Variants in FAAH2 observed in about 807,000 individuals in gnomAD.
FAAH2 encodes the protein fatty acid amide hydrolase 2.
In FAAH2, 60 loss-of-function variants were observed where a neutral mutation model predicts 36.9. The observed-to-expected ratio is 1.63, with a 90% CI of 1.32 to 2.02. The LOEUF (loss-of-function observed/expected upper bound fraction) is 2.02. FAAH2 is among the 30% of genes most tolerant of loss of function. FAAH2 has a pLI of 0.00. For missense variants in FAAH2, 689 were observed against 397.5 expected (o/e 1.73, Z -6.23); for synonymous variants, 214 against 143.8 (o/e 1.49, Z -3.49).
intron 7 of FAAH2, chrX:57,392,714 G>T: frequency 1.6e-6 from 1 of 614,805 alleles, no homozygotes; most frequent in Non-Finnish European, 2.8e-6. Context: ...TGGGTGGGGA[G>T]TCCATTGTGC....
chrX:57,477,888 T>C (rs1239581025), intron 10 of FAAH2, among the ~76,000 whole-genome samples: 1 of 112,036 alleles, frequency 8.9e-6, no homozygotes, highest in African/African-American at 3.2e-5. Context: ...CAGTCTATCA[T>C]TGTTGGACAT....
intron 8 of FAAH2, among the ~76,000 whole-genome samples, chrX:57,432,574 C>T (rs999461851): frequency 2.7e-5 from 3 of 111,491 alleles, no homozygotes; most frequent in Non-Finnish European, 5.7e-5. Flanking sequence ...TTCATATCTG[C>T]TATGATTAGA....
chrX:57,234,637 C>A, the FAAH2 span, among the ~76,000 whole-genome samples: 1 of 111,592 alleles, frequency 9.0e-6, no homozygotes, highest in Non-Finnish European at 1.9e-5. Flanking sequence ...CAGCATGAAA[C>A]CTTGCATACA....
the FAAH2 span, among the ~76,000 whole-genome samples, chrX:57,261,208 G>A: frequency 9.0e-6 from 1 of 111,230 alleles, no homozygotes; most frequent in Non-Finnish European, 1.9e-5. Flanking sequence ...AGCAATTAAA[G>A]GGCACATATT....
the FAAH2 span, among the ~76,000 whole-genome samples, chrX:57,227,594 G>T: frequency 9.0e-6 from 1 of 111,412 alleles, no homozygotes; most frequent in Non-Finnish European, 1.9e-5. Context: ...CAGTTTTGGT[G>T]GTATAATGGC....
chrX:57,429,710 A>T (rs1356016926), intron 7 of FAAH2, among the ~76,000 whole-genome samples: 1 of 110,687 alleles, frequency 9.0e-6, no homozygotes, highest in East Asian at 2.9e-4. Context: ...AATTTTATAC[A>T]AAAGGATATC....
intron 3 of FAAH2, among the ~76,000 whole-genome samples, chrX:57,314,400 T>C (rs769525551): frequency 9.0e-6 from 1 of 111,124 alleles, no homozygotes; most frequent in African/African-American, 3.3e-5. Context: ...TTAATAGACA[T>C]CTACAAAATA....
At chrX:57,407,167 T>A (rs1250152677) in intron 7 of FAAH2, among the ~76,000 whole-genome samples, 3 of 112,209 alleles carry the variant, frequency 2.7e-5, no homozygotes, top group Admixed American at 1.9e-4. Context: ...GTGATCCTCT[T>A]ATTTGTCGAA....
intron 10 of FAAH2, among the ~76,000 whole-genome samples, chrX:57,460,707 A>G (rs1359316354): frequency 8.9e-6 from 1 of 111,932 alleles, no homozygotes; most frequent in African/African-American, 3.3e-5. Context: ...ACACCAAAAT[A>G]TAAAGACCAA....
chrX:57,152,538 C>T, the FAAH2 span, among the ~76,000 whole-genome samples: 609 of 112,247 alleles, frequency 5.4e-3, 2 homozygotes, highest in Middle Eastern at 9.2e-3. Context: ...TAGCAATCAG[C>T]GAGACTCCGT....
chrX:57,222,073 A>T, the FAAH2 span, among the ~76,000 whole-genome samples: 4 of 111,273 alleles, frequency 3.6e-5, no homozygotes, highest in East Asian at 1.1e-3. Flanking sequence ...TCAGTCACCT[A>T]TCTATGCCTA....
chrX:57,370,176 CA>C (rs1477902163), intron 5 of FAAH2, among the ~76,000 whole-genome samples: 2 of 111,446 alleles, frequency 1.8e-5, no homozygotes, highest in Non-Finnish European at 3.8e-5. Flanking sequence ...AAATATTTAA[CA>C]AAATGGCCGA....
chrX:57,432,910 A>T (rs1051843533), intron 8 of FAAH2, among the ~76,000 whole-genome samples: 10 of 110,230 alleles, frequency 9.1e-5, no homozygotes, highest in African/African-American at 3.3e-4. Flanking sequence ...ATTTTTTATA[A>T]GATATCTCAC....
chrX:57,306,776 T>G (rs2052539826), intron 2 of FAAH2, among the ~76,000 whole-genome samples: 1 of 95,877 alleles, frequency 1.0e-5, no homozygotes, highest in Non-Finnish European at 2.1e-5. Context: ...ATATATACCA[T>G]ATATATGTAT....
chrX:57,439,252 C>G (rs1339789249), intron 8 of FAAH2, among the ~76,000 whole-genome samples: 3 of 109,684 alleles, frequency 2.7e-5, no homozygotes, highest in Non-Finnish European at 5.7e-5. Flanking sequence ...TCCACATCCT[C>G]TCCAGCACCT....
chrX:57,435,747 G>T (rs1258695367), intron 8 of FAAH2, among the ~76,000 whole-genome samples: 1 of 110,808 alleles, frequency 9.0e-6, no homozygotes, highest in East Asian at 2.8e-4. Context: ...CAATAATAGT[G>T]TGAGACTTCA....
At chrX:57,429,752 C>A (rs755758130) in intron 7 of FAAH2, among the ~76,000 whole-genome samples, 90 of 111,013 alleles carry the variant, frequency 8.1e-4, no homozygotes, top group African/African-American at 2.5e-3. Flanking sequence ...GCATTATTCA[C>A]AATAGAAAAG....
At chrX:57,225,763 C>A in the FAAH2 span, among the ~76,000 whole-genome samples, 1 of 98,338 alleles carries the variant, frequency 1.0e-5, no homozygotes, top group Non-Finnish European at 1.9e-5. Context: ...TATTATGATT[C>A]TATCTATCTC....
At chrX:57,191,079 G>A in the FAAH2 span, among the ~76,000 whole-genome samples, 1 of 111,438 alleles carries the variant, frequency 9.0e-6, no homozygotes, top group Non-Finnish European at 1.9e-5. Flanking sequence ...TCTCCATAGT[G>A]GTTTTACTGG....
Sources: allele counts gnomAD v4.1 joint callset (sites outside exome capture counted in the v4.1 genomes callset), GRCh38; gene constraint gnomAD v4.1.1; transcripts MANE v1.5; gene names NCBI Gene and HGNC (gene_info 2026-07-23, HGNC 2026-07-21).